EXOC1L: variants seen among roughly 807,000 people sequenced by gnomAD.
EXOC1L encodes the protein exocyst complex component 1 like.
Under a neutral mutation model 4.9 loss-of-function variants are expected in EXOC1L, and 10 were observed. That is an observed-to-expected ratio of 2.02 (90% confidence interval 1.25 to 3.43). The LOEUF is 3.43. Ranked by LOEUF, EXOC1L falls within the 30% of genes most tolerant of loss-of-function variation. The pLI, the probability that EXOC1L is intolerant of heterozygous loss-of-function variation, is 0.00. For synonymous variants in EXOC1L, 41 were observed against 20.8 expected, an observed-to-expected ratio of 1.97 and a Z score of -2.63; for missense variants, 114 against 59.4, an observed-to-expected ratio of 1.92 and a Z score of -3.02.
At chr4:55,820,213 GA>G in intron 1 of EXOC1L, 66 bp downstream of exon 1, 1 of 394,994 alleles carries the variant, frequency 2.5e-6, no homozygotes, top group Non-Finnish European at 4.5e-6. Flanking sequence ...ATGATAGAGG[GA>G]ATTTTTTTTT....
intron 1 of EXOC1L, 95 bp downstream of exon 1, chr4:55,820,242 A>G (rs1307214027): frequency 2.5e-6 from 1 of 393,076 alleles, no homozygotes; most frequent in Non-Finnish European, 4.5e-6. Context: ...TTATTTTCCT[A>G]TATAGCACGT....
chr4:55,833,311 A>G (rs1211332492), intron 2 of EXOC1L, among the ~76,000 whole-genome samples: 1 of 151,794 alleles, frequency 6.6e-6, no homozygotes, highest in Non-Finnish European at 1.5e-5. Flanking sequence ...TATTACATCA[A>G]TTTTGCATAT....
At chr4:55,834,037 T>C (rs1252977622) in intron 2 of EXOC1L, among the ~76,000 whole-genome samples, 1 of 151,892 alleles carries the variant, frequency 6.6e-6, no homozygotes, top group Non-Finnish European at 1.5e-5. Flanking sequence ...ATCAAATCCT[T>C]GGGGGTCAGC....
At chr4:55,833,242 A>T (rs1720077932) in intron 2 of EXOC1L, among the ~76,000 whole-genome samples, 1 of 151,908 alleles carries the variant, frequency 6.6e-6, no homozygotes, top group African/African-American at 2.4e-5. Context: ...TCAGAACACA[A>T]TTGTTCAGCC....
intron 2 of EXOC1L, among the ~76,000 whole-genome samples, chr4:55,836,547 T>G (rs982946095): frequency 8.6e-5 from 13 of 151,946 alleles, no homozygotes; most frequent in Non-Finnish European, 1.5e-4. Flanking sequence ...AGTAAATTTG[T>G]CAGTTTCAGT....
chr4:55,831,498 C>A, intron 2 of EXOC1L, 34 bp downstream of exon 2: 1 of 659,772 alleles, frequency 1.5e-6, no homozygotes, highest in South Asian at 1.7e-5. Context: ...GATGTGGAAT[C>A]AATATGCTGG....
chr4:55,820,999 T>C (rs912451317), intron 1 of EXOC1L, among the ~76,000 whole-genome samples: 8 of 152,160 alleles, frequency 5.3e-5, no homozygotes, highest in Non-Finnish European at 1.0e-4. Flanking sequence ...AGAAAAGAGC[T>C]TAGAAACTTT....
intron 1 of EXOC1L, among the ~76,000 whole-genome samples, chr4:55,829,771 A>G (rs1192465694): frequency 2.0e-5 from 3 of 152,146 alleles, no homozygotes; most frequent in Non-Finnish European, 4.4e-5. Flanking sequence ...GCTAGACCCA[A>G]TTCTAGAGCC....
At chr4:55,823,812 A>G (rs1719807376) in intron 1 of EXOC1L, among the ~76,000 whole-genome samples, 1 of 151,974 alleles carries the variant, frequency 6.6e-6, no homozygotes, top group Admixed American at 6.6e-5. Flanking sequence ...GGGCTCAAGG[A>G]TTCTCCTGTC....
At position 55,837,439 on chromosome 4, in the gene EXOC1L, C is replaced by T. The variant is rs1720201858; in HGVS notation, c.*88C>T. 1 of 438,022 alleles carries T rather than the reference C, an allele frequency of 2.3e-6. No individual in the cohort carries two copies. Among genetic ancestry groups the T allele is most frequent in the Admixed American group, 4.1e-5 (1 of 24,534 alleles). 27.1% of individuals were successfully genotyped at this position (438,022 alleles called of 1,614,324 possible). A position where few individuals can be genotyped will look rare whatever the true frequency, so the allele number is the denominator to read the frequency against. On this transcript the variant is annotated 3_prime_UTR_variant, in exon 3 of 3. Coordinates refer to ENST00000636125, the MANE Select transcript of EXOC1L (RefSeq NM_001351574.3). ...TGTCATAATTTTGTTTTTCCTTCAT[C>T]AGTGATTATTATAATTTAAATAAAA...
intron 1 of EXOC1L, among the ~76,000 whole-genome samples, chr4:55,821,556 T>A (rs563581709): frequency 2.0e-5 from 3 of 152,198 alleles, no homozygotes; most frequent in South Asian, 2.1e-4. Flanking sequence ...ACATGAAAAA[T>A]TAAATAATCA....
At chr4:55,822,998 A>G (rs1719785522) in intron 1 of EXOC1L, among the ~76,000 whole-genome samples, 1 of 151,074 alleles carries the variant, frequency 6.6e-6, no homozygotes, top group Non-Finnish European at 1.5e-5. Flanking sequence ...TATATTTAAT[A>G]TAAAATTAAA....
chr4:55,827,522 G>A (rs1719914435), intron 1 of EXOC1L, among the ~76,000 whole-genome samples: 1 of 152,144 alleles, frequency 6.6e-6, no homozygotes, highest in South Asian at 2.1e-4. Context: ...GAGATTTAAT[G>A]TTTTCAATTC....
In EXOC1L at chr4:55,831,431, T is replaced by A. The variant is rs6848009; in HGVS notation, c.219T>A (p.Asp73Glu). 0.068 allele frequency: 47,339 copies of A among 696,096 alleles called. 1,930 individuals are homozygous for A. The highest frequency in any genetic ancestry group is 0.083 in the Non-Finnish European group (31,639 of 382,056). 43.1% of individuals were successfully genotyped at this position (696,096 alleles called of 1,614,324 possible). A position where few individuals can be genotyped will look rare whatever the true frequency, so the allele number is the denominator to read the frequency against. ...TAACAAAAAAGTGGTCTTTGAACGA[T>A]CTGCAGATGATTGATGGAAAAGAAG... ...YEVTKKWSLN[D>E]LQMIDGKEAD... The change falls in exon 2 of 3, where the codon GAT (aspartate) becomes GAA (glutamate). Residue 73 changes from aspartate to glutamate, a missense_variant. Physicochemically the swap from Asp to Glu is conservative, Grantham distance 45 (BLOSUM62 2). Coordinates refer to ENST00000636125, the MANE Select transcript of EXOC1L (RefSeq NM_001351574.3).
intron 1 of EXOC1L, among the ~76,000 whole-genome samples, chr4:55,824,511 C>A (rs988845339): frequency 6.6e-6 from 1 of 151,950 alleles, no homozygotes; most frequent in Non-Finnish European, 1.5e-5. Flanking sequence ...TACAGTCATG[C>A]GCCACTATGC....
At chr4:55,822,034 A>C (rs1195485577) in intron 1 of EXOC1L, among the ~76,000 whole-genome samples, 1 of 152,258 alleles carries the variant, frequency 6.6e-6, no homozygotes, top group East Asian at 1.9e-4. Flanking sequence ...GTGAAACTCC[A>C]TACTTTGAAC....
intron 1 of EXOC1L, among the ~76,000 whole-genome samples, chr4:55,823,113 G>C (rs749234107): frequency 6.6e-6 from 1 of 151,524 alleles, no homozygotes; most frequent in Non-Finnish European, 1.5e-5. Flanking sequence ...TCCATTCATA[G>C]CTATTAATCT....
chr4:55,830,467 G>A (rs546993181), intron 1 of EXOC1L, among the ~76,000 whole-genome samples: 4 of 151,960 alleles, frequency 2.6e-5, no homozygotes, highest in Non-Finnish European at 5.9e-5. Context: ...TATCCCCTGC[G>A]GCATCTATTA....
rs1055390123 is a variant in EXOC1L, at chr4:55,828,686, TA to T, written c.122-2640del. 3.3e-5 allele frequency among the ~76,000 whole-genome samples: 5 copies of T among 151,726 alleles called. No homozygotes were observed. In the South Asian group the frequency reaches 8.4e-4, roughly 25 times the overall value. On this transcript the variant is annotated intron_variant, in intron 1 of 2. Transcript: ENST00000636125. Reference sequence around the variant, plus strand: ...GTGAGACCCGTCTCTACAAAAAAGATAAAAAAAATTAGCCAGGCATAGTGGT... The same window carrying T: ...GTGAGACCCGTCTCTACAAAAAAGATAAAAAAATTAGCCAGGCATAGTGGT...
Sources: allele counts gnomAD v4.1 joint callset (sites outside exome capture counted in the v4.1 genomes callset), GRCh38; gene constraint gnomAD v4.1.1; transcripts MANE v1.5; gene names NCBI Gene and HGNC (gene_info 2026-07-23, HGNC 2026-07-21).